Variants in SIM2 observed in about 807,000 individuals in gnomAD.
SIM2 encodes SIM bHLH transcription factor 2.
A neutral mutation model predicts 64.8 loss-of-function variants in SIM2; 28 were observed. That is an observed-to-expected ratio of 0.43 (90% confidence interval 0.32 to 0.59). The LOEUF is 0.59. SIM2 is among the 20% of genes least tolerant of loss of function. The probability of loss-of-function intolerance (pLI) is 0.07; values close to 1 mark genes in which losing one functional copy is unlikely to be tolerated. For synonymous variants in SIM2, 408 were observed against 391.1 expected, an observed-to-expected ratio of 1.04 and a Z score of -0.51; for missense variants, 847 against 871.4, an observed-to-expected ratio of 0.97 and a Z score of 0.35.
chr21:36,699,785 G>A lies in SIM2; in HGVS notation c.39G>A (p.Arg13=), dbSNP rs1300261163. 5 of 1,613,088 alleles carry A rather than the reference G, an allele frequency of 3.1e-6. No individual in the cohort carries two copies. In the Admixed American group the frequency reaches 5.0e-5, roughly 16 times the overall value. ...CCAAGAATGCGGCCAAGACCAGGAG[G>A]GAGAAGGAAAATGGCGAGTTTTACG... ...EKSKNAAKTR[R]EKENGEFYEL... The change falls in exon 1 of 11, where the codon AGG becomes AGA. Residue 13 remains arginine (R), a synonymous_variant. Coordinates refer to ENST00000290399, the MANE Select transcript of SIM2 (RefSeq NM_005069.6). This position sits in a 1 kb window ranked among gnomAD's most constrained non-coding sequence, Gnocchi z 5.6.
chr21:36,738,105 G>C (rs181745325), intron 7 of SIM2, among the ~76,000 whole-genome samples: 54 of 152,076 alleles, frequency 3.6e-4, no homozygotes, highest in African/African-American at 1.3e-3. Context: ...TCCTCAGTCT[G>C]AGCCTGCTGC....
rs1010117302 is a variant in SIM2 at position 36,726,040 on chromosome 21, T to C, written c.544-79T>C. ...TGGGCTGGGAGATATTCTAGCATGT[T>C]TGAGAAAATGAGCCAGGAGGAGTGG... On this transcript the variant is annotated intron_variant, in intron 5 of 10. Coordinates refer to ENST00000290399, the MANE Select transcript of SIM2 (RefSeq NM_005069.6). This position sits in a 1 kb window ranked among gnomAD's most constrained non-coding sequence, Gnocchi z 4.5. 12 of 1,191,070 alleles carry C rather than the reference T, an allele frequency of 1.0e-5. No homozygotes were observed. The highest frequency in any genetic ancestry group is 1.7e-5 in the Admixed American group (1 of 58,330). The allele number at this position is 1,191,070 out of a possible 1,614,324, so 73.8% of individuals were successfully genotyped here. A position where few individuals can be genotyped will look rare whatever the true frequency, so the allele number is the denominator to read the frequency against.
chr21:36,739,124 A>G (rs2089120113), intron 7 of SIM2, among the ~76,000 whole-genome samples: 1 of 152,270 alleles, frequency 6.6e-6, no homozygotes, highest in South Asian at 2.1e-4. Context: ...GCTGAAAAGA[A>G]GAAAGTGAAA....
intron 7 of SIM2, among the ~76,000 whole-genome samples, chr21:36,740,317 T>G (rs1345687742): frequency 6.6e-6 from 1 of 152,194 alleles, no homozygotes; most frequent in African/African-American, 2.4e-5. Context: ...ATTCTGGAAG[T>G]TTCATGTAAA....
chr21:36,728,286 A>G (rs2088919142), intron 6 of SIM2, among the ~76,000 whole-genome samples: 1 of 152,206 alleles, frequency 6.6e-6, no homozygotes, highest in Admixed American at 6.5e-5. Context: ...GCCTTCTAGG[A>G]AACCCCTGAG....
intron 3 of SIM2, among the ~76,000 whole-genome samples, chr21:36,718,321 ACTT>A (rs954608821): frequency 2.6e-5 from 4 of 152,176 alleles, no homozygotes; most frequent in Non-Finnish European, 1.5e-5. Flanking sequence ...AACTCCCAGA[ACTT>A]CTCCATTAAG....
chr21:36,727,731 C>T (rs1460656682), intron 6 of SIM2, among the ~76,000 whole-genome samples: 2 of 152,134 alleles, frequency 1.3e-5, no homozygotes, highest in Admixed American at 6.5e-5. Context: ...AGGAGAGATA[C>T]ATTTTGCTTT....
chr21:36,739,749 G>T (rs916777233), intron 7 of SIM2, among the ~76,000 whole-genome samples: 1 of 152,070 alleles, frequency 6.6e-6, no homozygotes, highest in African/African-American at 2.4e-5. Flanking sequence ...GCCAGGCGCC[G>T]TGGCTCACAC....
chr21:36,729,933 G>A (rs1161459461), intron 6 of SIM2, among the ~76,000 whole-genome samples: 1 of 152,188 alleles, frequency 6.6e-6, no homozygotes, highest in South Asian at 2.1e-4. Context: ...CCCAGGGCTC[G>A]ATGAGAACAC....
At chr21:36,722,336 G>A (rs779895716) in intron 4 of SIM2, among the ~76,000 whole-genome samples, 28 of 152,202 alleles carry the variant, frequency 1.8e-4, no homozygotes, top group Admixed American at 5.9e-4. Flanking sequence ...AGTGACCTCA[G>A]GGAGGGTGGA....
chr21:36,712,486 C>G, intron 2 of SIM2, 47 bp from the exon 3 acceptor site: 1 of 1,291,260 alleles, frequency 7.7e-7, no homozygotes, highest in Non-Finnish European at 1.1e-6. Flanking sequence ...AGATTTAACT[C>G]TAATGTAGAA....
At chr21:36,724,066 TGAGAG>T (rs1328907315) in intron 5 of SIM2, among the ~76,000 whole-genome samples, 2 of 152,354 alleles carry the variant, frequency 1.3e-5, no homozygotes, top group Non-Finnish European at 1.5e-5. Flanking sequence ...GAGGATGGGG[TGAGAG>T]GAAAGGGCAC....
At position 36,725,988 on chromosome 21, in the gene SIM2, C is replaced by T. The variant is rs2088884606; in HGVS notation, c.544-131C>T. The T allele has an allele frequency of 4.3e-6, 3 of 697,588 alleles. No individual in the cohort carries two copies. In the Admixed American group the frequency reaches 7.0e-5, roughly 16 times the overall value. 43.2% of individuals were successfully genotyped at this position (697,588 alleles called of 1,614,324 possible). A position where few individuals can be genotyped will look rare whatever the true frequency, so the allele number is the denominator to read the frequency against. ...AGCAATGAACCGGTGCCTGTCAGCA[C>T]ATTGGGCCGCACAGTGGAGTAGAGG... is the stretch of plus-strand genomic sequence containing the variant. On this transcript the variant is annotated intron_variant, in intron 5 of 10. Transcript: ENST00000290399.
chr21:36,705,601 G>T (rs574961179), intron 1 of SIM2, among the ~76,000 whole-genome samples: 1 of 152,330 alleles, frequency 6.6e-6, no homozygotes, highest in African/African-American at 2.4e-5. Context: ...AGAGGTTAGA[G>T]GTCGGGCCCT....
intron 7 of SIM2, among the ~76,000 whole-genome samples, chr21:36,737,467 G>C (rs1032821903): frequency 4.6e-5 from 7 of 150,982 alleles, no homozygotes; most frequent in African/African-American, 1.5e-4. Context: ...CAGACCCTCA[G>C]GGGGGGCTGA....
At chr21:36,732,809 G>A (rs1320587287) in intron 7 of SIM2, among the ~76,000 whole-genome samples, 1 of 152,228 alleles carries the variant, frequency 6.6e-6, no homozygotes, top group Non-Finnish European at 1.5e-5. Context: ...AGCAAACTGG[G>A]TATGGTGTGT....
At chr21:36,741,000 C>T (rs558788077) in intron 7 of SIM2, among the ~76,000 whole-genome samples, 28 of 152,320 alleles carry the variant, frequency 1.8e-4, no homozygotes, top group African/African-American at 5.1e-4. Flanking sequence ...TCCTGGAAGG[C>T]GGTGAGGTGG....
intron 7 of SIM2, among the ~76,000 whole-genome samples, chr21:36,740,458 C>CT (rs2123497416): frequency 1.3e-5 from 2 of 152,220 alleles, no homozygotes; most frequent in African/African-American, 4.8e-5. Context: ...TGATCTTTGC[C>CT]TATATTGCTT....
At chr21:36,709,276 GCGCAGCCGCCGCA>G in intron 2 of SIM2, 26 bp downstream of exon 2, 1 of 1,547,624 alleles carries the variant, frequency 6.5e-7, no homozygotes, top group Non-Finnish European at 8.8e-7. Flanking sequence ...CGGGGGAGGA[GCGCAGCCGCCGCA>G]GGCTCCCTTC....
Sources: gnomAD v4.1 joint callset for allele counts (sites outside exome capture counted in the v4.1 genomes callset) on GRCh38, gnomAD v4.1.1 for gene constraint, Gnocchi (gnomAD v3.1) non-coding constraint, MANE v1.5 for transcripts, NCBI Gene and HGNC (gene_info 2026-07-23, HGNC 2026-07-21) for gene names.